The following UVRAG variants were observed in gnomAD, a reference collection of about 807,000 sequenced individuals.
The protein encoded by UVRAG is UV radiation resistance associated, also known as UV radiation resistance-associated gene protein.
Under a neutral mutation model 78.0 loss-of-function variants are expected in UVRAG, and 19 were observed. That is an observed-to-expected ratio of 0.24 (90% CI 0.17 to 0.36). The LOEUF is 0.36. Among genes scored for constraint, UVRAG ranks in the 10% least tolerant of loss-of-function variants. The probability of loss-of-function intolerance (pLI) is 1.00; values close to 1 mark genes in which losing one functional copy is unlikely to be tolerated. For synonymous variants in UVRAG, 323 were observed against 324.6 expected, an observed-to-expected ratio of 1.00 and a Z score of 0.05; for missense variants, 740 against 853.8, an observed-to-expected ratio of 0.87 and a Z score of 1.66.
intron 13 of UVRAG, among the ~76,000 whole-genome samples, chr11:76,074,480 G>T (rs1385254797): frequency 6.6e-6 from 1 of 152,152 alleles, no homozygotes; most frequent in African/African-American, 2.4e-5. Flanking sequence ...CAATATTTAA[G>T]AGTATTACTT....
intron 12 of UVRAG, among the ~76,000 whole-genome samples, chr11:76,029,381 A>T (rs1394005094): frequency 5.3e-5 from 8 of 152,152 alleles, no homozygotes; most frequent in Admixed American, 5.2e-4. Context: ...ACATTTCATA[A>T]GACTGTAGCT....
intron 12 of UVRAG, among the ~76,000 whole-genome samples, chr11:76,061,293 G>A (rs1226828232): frequency 6.6e-6 from 1 of 152,128 alleles, no homozygotes; most frequent in Admixed American, 6.5e-5. Context: ...TTGTAAACGC[G>A]CCAATCAGCG....
rs754250286 is a variant in UVRAG, at chr11:76,065,740, G to A, written c.1257G>A (p.Lys419=). 3.7e-6 allele frequency: 6 copies of A among 1,613,938 alleles called. No homozygotes were observed. Among genetic ancestry groups the A allele is most frequent in the Non-Finnish European group, 4.2e-6 (5 of 1,179,956 alleles). The part of the protein sequence containing the change: ...EFPLYPKGGE[K]LQFDYGVYLL... ...CACTGTATCCAAAAGGAGGGGAGAA[G>A]TTGCAGTTTGATTATGGTGTCTATC... Residue 419 remains lysine, a synonymous_variant, in exon 13 of 15, where the codon AAG becomes AAA. Coordinates refer to ENST00000356136, the MANE Select transcript of UVRAG (RefSeq NM_003369.4).
At chr11:76,049,263 T>C (rs1455338620) in intron 12 of UVRAG, among the ~76,000 whole-genome samples, 1 of 152,184 alleles carries the variant, frequency 6.6e-6, no homozygotes, top group Non-Finnish European at 1.5e-5. Flanking sequence ...TCAAAAACTT[T>C]CCAAATATTC....
At chr11:75,985,185 AT>A (rs1949475462) in intron 8 of UVRAG, among the ~76,000 whole-genome samples, 1 of 96,222 alleles carries the variant, frequency 1.0e-5, no homozygotes. Context: ...TTTTGTATTT[AT>A]CGCATTTGGT....
intron 12 of UVRAG, among the ~76,000 whole-genome samples, chr11:76,053,225 C>T (rs1010640291): frequency 6.6e-6 from 1 of 151,444 alleles, no homozygotes; most frequent in Non-Finnish European, 1.5e-5. Flanking sequence ...AGAATTGCCC[C>T]AACCCAGGAG....
chr11:75,906,638 G>C (rs1947621925), intron 5 of UVRAG, among the ~76,000 whole-genome samples: 1 of 152,192 alleles, frequency 6.6e-6, no homozygotes, highest in East Asian at 1.9e-4. Context: ...GCGAGCCACC[G>C]TGCCTGGCCA....
intron 6 of UVRAG, among the ~76,000 whole-genome samples, chr11:75,912,765 C>A (rs549966734): frequency 4.5e-4 from 69 of 152,244 alleles, no homozygotes; most frequent in South Asian, 1.5e-3. Flanking sequence ...CATTAGACAT[C>A]CTTTATATAT....
At chr11:75,912,933 A>T (rs1947770559) in intron 6 of UVRAG, among the ~76,000 whole-genome samples, 1 of 152,242 alleles carries the variant, frequency 6.6e-6, no homozygotes, top group East Asian at 1.9e-4. Flanking sequence ...CATGATTTTG[A>T]CTAAAGTAAC....
chr11:75,856,487 G>C (rs765759744), intron 2 of UVRAG, among the ~76,000 whole-genome samples: 1 of 151,948 alleles, frequency 6.6e-6, no homozygotes, highest in Non-Finnish European at 1.5e-5. Flanking sequence ...GTCTGACTCT[G>C]TCAACCAGGC....
At chr11:75,922,991 C>T (rs1335243701) in intron 6 of UVRAG, among the ~76,000 whole-genome samples, 2 of 140,156 alleles carry the variant, frequency 1.4e-5, no homozygotes, top group African/African-American at 2.7e-5. Flanking sequence ...AATATATATA[C>T]ATATATTTTT....
intron 14 of UVRAG, among the ~76,000 whole-genome samples, chr11:76,128,610 TTTTGTTTG>T (rs375402238): frequency 2.6e-5 from 4 of 151,960 alleles, no homozygotes; most frequent in Non-Finnish European, 4.4e-5. Flanking sequence ...GGGAGGTATT[TTTTGTTTG>T]TTTGTTTGTT....
intron 5 of UVRAG, among the ~76,000 whole-genome samples, chr11:75,906,871 G>C (rs1947627360): frequency 6.6e-6 from 1 of 152,114 alleles, no homozygotes; most frequent in Admixed American, 6.5e-5. Context: ...GTTCTATTTT[G>C]TTGATTTATA....
chr11:75,913,199 G>A (rs904665636), intron 6 of UVRAG, among the ~76,000 whole-genome samples: 2 of 152,184 alleles, frequency 1.3e-5, no homozygotes, highest in Non-Finnish European at 2.9e-5. Flanking sequence ...ATGAGGCGTA[G>A]GGTACAATTA....
At chr11:76,008,280 C>T (rs1949988542) in intron 10 of UVRAG, among the ~76,000 whole-genome samples, 1 of 152,054 alleles carries the variant, frequency 6.6e-6, no homozygotes, top group Admixed American at 6.5e-5. Flanking sequence ...TGATAATTTT[C>T]ATGTATTAGT....
At chr11:76,060,597 C>T (rs967603405) in intron 12 of UVRAG, among the ~76,000 whole-genome samples, 6 of 152,216 alleles carry the variant, frequency 3.9e-5, no homozygotes, top group Admixed American at 6.5e-5. Context: ...GGCTGCAGCA[C>T]GGCGCTTGCG....
chr11:75,847,902 C>T (rs535781219), intron 1 of UVRAG, among the ~76,000 whole-genome samples: 47 of 148,804 alleles, frequency 3.2e-4, no homozygotes, highest in African/African-American at 9.5e-4. Context: ...ACCCGGGAGG[C>T]GGAGATTGCA....
chr11:75,897,871 A>ATTTTTTTTTTTTT (rs146122619), intron 5 of UVRAG, among the ~76,000 whole-genome samples: 1,621 of 108,694 alleles, frequency 0.015, 51 homozygotes, highest in East Asian at 0.051. Flanking sequence ...TAGCTCTTTA[A>ATTTTTTTTTTTTT]TTTTTTTTTT....
chr11:76,111,551 C>T (rs769089761), intron 13 of UVRAG, among the ~76,000 whole-genome samples: 5 of 152,134 alleles, frequency 3.3e-5, no homozygotes, highest in Non-Finnish European at 5.9e-5. Context: ...AAGGAAGGTG[C>T]CTTACCAAAA....
Sources: gnomAD v4.1 joint callset for allele counts (sites outside exome capture counted in the v4.1 genomes callset) on GRCh38, gnomAD v4.1.1 for gene constraint, MANE v1.5 for transcripts, NCBI Gene and HGNC (gene_info 2026-07-23, HGNC 2026-07-21) for gene names.